PRUNE2: variants seen among roughly 807,000 people sequenced by gnomAD.
PRUNE2 encodes the protein protein prune homolog 2.
In PRUNE2, 164 loss-of-function variants were observed where a neutral mutation model predicts 252.0. The ratio of observed to expected loss-of-function variants is 0.65; its 90% CI spans 0.57 to 0.74. The LOEUF is 0.74. Ranked by LOEUF, PRUNE2 falls within the 30% of genes least tolerant of loss-of-function variation. PRUNE2 has a pLI of 0.00. For synonymous variants in PRUNE2, 1,292 were observed against 1,350.2 expected, an observed-to-expected ratio of 0.96 and a Z score of 0.94; for missense variants, 3,495 against 3,711.0, an observed-to-expected ratio of 0.94 and a Z score of 1.51.
At chr9:76,677,354 T>C (rs1015738703) in intron 9 of PRUNE2, among the ~76,000 whole-genome samples, 4 of 152,244 alleles carry the variant, frequency 2.6e-5, no homozygotes, top group Admixed American at 1.3e-4. Flanking sequence ...TTTCACATAG[T>C]ATTTCTCTGA....
intron 6 of PRUNE2, among the ~76,000 whole-genome samples, chr9:76,715,407 G>A (rs571839772): frequency 2.6e-5 from 4 of 152,296 alleles, no homozygotes; most frequent in South Asian, 2.1e-4. Context: ...TCCATGTTTC[G>A]AGGAGGCTTT....
chr9:76,775,473 T>C (rs375422752), intron 6 of PRUNE2, among the ~76,000 whole-genome samples: 4 of 72,658 alleles, frequency 5.5e-5, no homozygotes, highest in African/African-American at 4.9e-5. Flanking sequence ...ATTTTTGTGG[T>C]TTTTTTTTGT....
At chr9:76,627,259 C>T (rs1835244609) in intron 16 of PRUNE2, among the ~76,000 whole-genome samples, 1 of 140,522 alleles carries the variant, frequency 7.1e-6, no homozygotes, top group Admixed American at 8.3e-5. Context: ...TGCTACCACA[C>T]CCGGCTAATT....
At chr9:76,763,799 G>A (rs148848846) in intron 6 of PRUNE2, among the ~76,000 whole-genome samples, 1 of 152,030 alleles carries the variant, frequency 6.6e-6, no homozygotes, top group Non-Finnish European at 1.5e-5. Flanking sequence ...AAAGGGCATG[G>A]GGAAGCATGG....
intron 6 of PRUNE2, among the ~76,000 whole-genome samples, chr9:76,767,653 C>T (rs192935036): frequency 6.6e-6 from 1 of 152,276 alleles, no homozygotes; most frequent in Admixed American, 6.5e-5. Flanking sequence ...TCCTCCTCCC[C>T]TAACAGGAGG....
chr9:76,710,549 G>A lies in PRUNE2; in HGVS notation c.1725C>T (p.Asp575=). 2 of 1,613,918 alleles carry A rather than the reference G, an allele frequency of 1.2e-6. No homozygotes were observed. Among genetic ancestry groups the A allele is most frequent in the Non-Finnish European group, 1.7e-6 (2 of 1,179,870 alleles). ...EHDEEFVQRQ[D]SPRDNSERNL... ...TTCTTTCAGAGTTATCTCTGGGACT[G>A]TCTTGTCTCTGGACAAACTCCTCAT... is the stretch of plus-strand genomic sequence containing the variant. The change falls in exon 8 of 19, where the codon GAC becomes GAT. Residue 575 remains aspartate, a synonymous_variant. Coordinates refer to ENST00000376718, the MANE Select transcript of PRUNE2 (RefSeq NM_015225.3).
At chr9:76,731,787 T>A (rs2048632003) in intron 6 of PRUNE2, among the ~76,000 whole-genome samples, 2 of 152,212 alleles carry the variant, frequency 1.3e-5, no homozygotes, top group Admixed American at 1.3e-4. Context: ...GGCCTTGAGC[T>A]TTGTCTGCAT....
At chr9:76,614,979 G>A in intron 18 of PRUNE2, 1 of 463,196 alleles carries the variant, frequency 2.2e-6, no homozygotes, top group Non-Finnish European at 2.9e-6. Context: ...GCAAACAAAT[G>A]TTCTGCCTCA....
intron 6 of PRUNE2, chr9:76,733,579 A>AT (rs981066592): frequency 1.8e-4 from 26 of 146,308 alleles, no homozygotes; most frequent in African/African-American, 6.7e-4. Flanking sequence ...TTTTTTTTTT[A>AT]TTTTTTGTAG....
At chr9:76,856,257 A>T (rs1308690311) in intron 1 of PRUNE2, among the ~76,000 whole-genome samples, 1 of 152,222 alleles carries the variant, frequency 6.6e-6, no homozygotes, top group Non-Finnish European at 1.5e-5. Context: ...ACTTCTCAAC[A>T]CTATGAGGAT....
At chr9:76,797,555 G>A (rs6560543) in intron 6 of PRUNE2, among the ~76,000 whole-genome samples, 7,468 of 152,194 alleles carry the variant, frequency 0.049, 439 homozygotes, top group African/African-American at 0.14. Flanking sequence ...CATTCACCAA[G>A]CCGTCTTTTT....
At chr9:76,698,131 C>T (rs1189304241) in intron 9 of PRUNE2, among the ~76,000 whole-genome samples, 1 of 151,592 alleles carries the variant, frequency 6.6e-6, no homozygotes, top group Non-Finnish European at 1.5e-5. Context: ...ACTGCAACCT[C>T]CGCCTCCTGG....
intron 11 of PRUNE2, among the ~76,000 whole-genome samples, chr9:76,649,434 C>CAATT (rs1444708299): frequency 6.6e-6 from 1 of 151,922 alleles, no homozygotes; most frequent in East Asian, 1.9e-4. Context: ...AAAAATATAC[C>CAATT]AATTAGCTGG....
chr9:76,649,615 T>TAGAA (rs1045542300), intron 11 of PRUNE2, among the ~76,000 whole-genome samples: 1 of 122,482 alleles, frequency 8.2e-6, no homozygotes, highest in African/African-American at 4.1e-5. Context: ...AGATAGATGA[T>TAGAA]AGATAGATAG....
intron 6 of PRUNE2, among the ~76,000 whole-genome samples, chr9:76,756,923 G>C (rs530834658): frequency 1.6e-4 from 22 of 141,824 alleles, no homozygotes; most frequent in African/African-American, 5.2e-4. Flanking sequence ...TGCAAGCAAA[G>C]TGTTTAATCA....
chr9:76,863,241 G>A (rs2060649892), intron 1 of PRUNE2: 1 of 152,100 alleles, frequency 6.6e-6, no homozygotes, highest in Non-Finnish European at 1.5e-5. Flanking sequence ...ATGTTCACCA[G>A]AAAGTTATAG....
intron 15 of PRUNE2, among the ~76,000 whole-genome samples, chr9:76,633,248 A>C (rs1838520560): frequency 6.6e-6 from 1 of 151,950 alleles, no homozygotes; most frequent in Admixed American, 6.6e-5. Context: ...TTTACAATGT[A>C]AAAATCATAG....
At chr9:76,887,418 G>A (rs1457361729) in intron 1 of PRUNE2, among the ~76,000 whole-genome samples, 1 of 152,166 alleles carries the variant, frequency 6.6e-6, no homozygotes, top group Non-Finnish European at 1.5e-5. Context: ...CCACCAGATG[G>A]TGAATGCTAG....
At chr9:76,695,700 G>A (rs2045314744) in intron 9 of PRUNE2, among the ~76,000 whole-genome samples, 1 of 152,160 alleles carries the variant, frequency 6.6e-6, no homozygotes, top group South Asian at 2.1e-4. Flanking sequence ...AAATTATGTT[G>A]AGCAAACTAC....
Sources: allele counts gnomAD v4.1 joint callset (sites outside exome capture counted in the v4.1 genomes callset), GRCh38; gene constraint gnomAD v4.1.1; transcripts MANE v1.5; gene names NCBI Gene and HGNC (gene_info 2026-07-23, HGNC 2026-07-21).